Variants in SPATA4 observed in about 807,000 individuals in gnomAD.
The protein encoded by SPATA4 is spermatogenesis-associated protein 4.
A neutral mutation model predicts 31.8 loss-of-function variants in SPATA4; 35 were observed. The ratio of observed to expected loss-of-function variants is 1.10; its 90% CI spans 0.84 to 1.46. The LOEUF is 1.46. Among genes scored for constraint, SPATA4 ranks in the 40% most tolerant of loss-of-function variants. The pLI, the probability that SPATA4 is intolerant of heterozygous loss-of-function variation, is 0.00. For synonymous variants in SPATA4, 126 were observed against 132.4 expected (o/e 0.95, Z 0.33); for missense variants, 394 against 363.1 (o/e 1.09, Z -0.69).
chr4:176,188,936 C>T (rs1752486748), intron 4 of SPATA4, among the ~76,000 whole-genome samples: 1 of 152,164 alleles, frequency 6.6e-6, no homozygotes, highest in South Asian at 2.1e-4. Flanking sequence ...TGGCCAGTAA[C>T]ACTGCCAGAA....
Position 176,193,033 on chromosome 4 carries a change from T to C in SPATA4, c.392A>G (p.His131Arg). Residue 131 changes from histidine to arginine, a missense_variant, in exon 3 of 6, where the codon CAT becomes CGT. His to Arg is a conservative substitution (Grantham distance 29, BLOSUM62 0). Coordinates refer to ENST00000280191, the MANE Select transcript of SPATA4 (RefSeq NM_144644.4). ...TCCAGCTTTACAATGAATTGTTCCA[T>C]GGATTAGTTCTTTAGGTAATTTAAA... Reference protein sequence around the residue: ...KKFKLPKELIHGTIHCKAGVP... With the variant: ...KKFKLPKELIRGTIHCKAGVP... 1.2e-6 allele frequency: 2 copies of C among 1,609,764 alleles called. No homozygotes were observed. Among genetic ancestry groups the C allele is most frequent in the East Asian group, 2.2e-5 (1 of 44,784 alleles).
intron 4 of SPATA4, among the ~76,000 whole-genome samples, chr4:176,189,151 T>G (rs1579294670): frequency 6.6e-6 from 1 of 152,182 alleles, no homozygotes; most frequent in African/African-American, 2.4e-5. Context: ...GAAAAGTCAA[T>G]GATGCCTGAT....
chr4:176,187,693 C>T (rs1357214990), intron 5 of SPATA4, among the ~76,000 whole-genome samples: 2 of 152,180 alleles, frequency 1.3e-5, no homozygotes, highest in Non-Finnish European at 2.9e-5. Flanking sequence ...GCTACAGTTT[C>T]CTGTAGTATA....
chr4:176,187,798 G>A (rs1183573157), intron 5 of SPATA4, among the ~76,000 whole-genome samples: 2 of 152,078 alleles, frequency 1.3e-5, no homozygotes, highest in Non-Finnish European at 2.9e-5. Context: ...TCTGTCTCAG[G>A]ACTGACTGAC....
chr4:176,189,899 G>A (rs144140460), intron 4 of SPATA4, among the ~76,000 whole-genome samples: 13 of 152,284 alleles, frequency 8.5e-5, no homozygotes, highest in African/African-American at 2.6e-4. Context: ...CAAGACCCCT[G>A]TCTCAAGAGC....
intron 1 of SPATA4, 114 bp from the exon 2 acceptor site, chr4:176,193,696 T>A: frequency 8.9e-7 from 1 of 1,128,168 alleles, no homozygotes; most frequent in Admixed American, 3.1e-5. Flanking sequence ...GTAAAGTGAG[T>A]GTTGTTGGAT....
At chr4:176,194,986 C>G (rs554386711) in intron 1 of SPATA4, 1 of 214,206 alleles carries the variant, frequency 4.7e-6, no homozygotes, top group East Asian at 1.3e-4. Context: ...ATCCGCCTGC[C>G]TCGGCTCCCA....
At chr4:176,193,697 G>A (rs1752569332) in intron 1 of SPATA4, 115 bp from the exon 2 acceptor site, 8 of 1,124,432 alleles carry the variant, frequency 7.1e-6, no homozygotes, top group Non-Finnish European at 8.4e-6. Flanking sequence ...TAAAGTGAGT[G>A]TTGTTGGATC....
intron 5 of SPATA4, 67 bp downstream of exon 5, chr4:176,188,052 A>T: frequency 1.7e-6 from 2 of 1,176,766 alleles, no homozygotes; most frequent in Non-Finnish European, 2.5e-6. Context: ...ACCGTTTTTT[A>T]AAACTTTAAT....
intron 4 of SPATA4, among the ~76,000 whole-genome samples, chr4:176,191,746 G>C (rs1752536693): frequency 6.6e-6 from 1 of 152,108 alleles, no homozygotes; most frequent in Non-Finnish European, 1.5e-5. Context: ...TCAAGGAAGA[G>C]AAAACAAAAT....
rs63253561 is a variant in SPATA4, at chr4:176,186,827, GT to G, written c.805+1291del. Among the ~76,000 whole-genome samples, 101 of 151,150 alleles carry G rather than the reference GT, an allele frequency of 6.7e-4. 1 individual carries two copies. The highest frequency in any genetic ancestry group is 2.3e-3 in the African/African-American group (96 of 41,170). On this transcript the variant is annotated intron_variant, in intron 5 of 5. Transcript: ENST00000280191. ...ATATTAAAGGTTCTGAGAAATCATG[GT>G]TTTTTTTTGTTTTTTTAAAAAAAGG...
At chr4:176,190,114 C>A (rs554814469) in intron 4 of SPATA4, among the ~76,000 whole-genome samples, 2 of 152,100 alleles carry the variant, frequency 1.3e-5, no homozygotes, top group Admixed American at 6.5e-5. Context: ...ATAACACAAC[C>A]GATTAGGTCA....
Position 176,195,563 on chromosome 4 carries a change from G to A in SPATA4, c.-1C>T, listed in dbSNP as rs771659639. 6 of 1,613,892 alleles carry A rather than the reference G, an allele frequency of 3.7e-6. No individual in the cohort carries two copies. The African/African-American group carries it at 6.7e-5, about 18-fold the overall frequency. On this transcript the variant is annotated 5_prime_UTR_variant, in exon 1 of 6. Coordinates refer to ENST00000280191, the MANE Select transcript of SPATA4 (RefSeq NM_144644.4). ...CTTTTTCCTGGCCGGCGGCAGCCAT[G>A]ACGCTTTCTGGGTTGCTGCGGCAAC...
chr4:176,189,078 A>C (rs1049641732), intron 4 of SPATA4, among the ~76,000 whole-genome samples: 2 of 152,260 alleles, frequency 1.3e-5, no homozygotes, highest in African/African-American at 4.8e-5. Context: ...AGTTAAAGAA[A>C]AAATGTGTTC....
At chr4:176,195,313 CG>C (rs763429625) in intron 1 of SPATA4, 31 bp downstream of exon 1, 187 of 1,603,266 alleles carry the variant, frequency 1.2e-4, no homozygotes, top group African/African-American at 1.2e-3. Flanking sequence ...GGGCGCCCAC[CG>C]GGGGGGCCTA....
At chr4:176,189,132 T>C (rs186539023) in intron 4 of SPATA4, among the ~76,000 whole-genome samples, 1 of 152,306 alleles carries the variant, frequency 6.6e-6, no homozygotes, top group African/African-American at 2.4e-5. Context: ...AAAGATAGAC[T>C]TTTAAACAGA....
At chr4:176,186,105 T>G (rs993861633) in intron 5 of SPATA4, among the ~76,000 whole-genome samples, 2 of 152,232 alleles carry the variant, frequency 1.3e-5, no homozygotes, top group Non-Finnish European at 2.9e-5. Flanking sequence ...AACTCATATG[T>G]GAACCTTGAA....
At chr4:176,193,391 A>G in intron 2 of SPATA4, 62 bp downstream of exon 2, 2 of 1,570,450 alleles carry the variant, frequency 1.3e-6, no homozygotes, top group Non-Finnish European at 1.7e-6. Context: ...CCAGGAAATT[A>G]GCATGGCACA....
chr4:176,184,923 C>T (rs764850058), intron 5 of SPATA4, 31 bp from the exon 6 acceptor site: 3 of 1,320,298 alleles, frequency 2.3e-6, no homozygotes, highest in Admixed American at 3.8e-5. Flanking sequence ...AAATTAAAAT[C>T]AATTCATGGT....
Sources: gnomAD v4.1 joint callset for allele counts (sites outside exome capture counted in the v4.1 genomes callset) on GRCh38, gnomAD v4.1.1 for gene constraint, MANE v1.5 for transcripts, NCBI Gene and HGNC (gene_info 2026-07-23, HGNC 2026-07-21) for gene names.